Variants in CSMD2 observed in about 807,000 individuals in gnomAD.
CSMD2 encodes CUB and Sushi multiple domains 2, also known as CUB and sushi domain-containing protein 2.
In CSMD2, 130 loss-of-function variants were observed where a neutral mutation model predicts 398.5. That is an observed-to-expected ratio of 0.33 (90% confidence interval 0.28 to 0.38). The LOEUF (loss-of-function observed/expected upper bound fraction) is 0.38. CSMD2 is among the 10% of genes least tolerant of loss of function. The pLI is 1.00. For missense variants in CSMD2, 3,829 were observed against 4,764.9 expected (o/e 0.80, Z 5.78); for synonymous variants, 1,828 against 1,908.5 (o/e 0.96, Z 1.10).
chr1:33,622,707 T>C (rs1165462402), intron 36 of CSMD2, among the ~76,000 whole-genome samples: 1 of 152,200 alleles, frequency 6.6e-6, no homozygotes, highest in African/African-American at 2.4e-5. Flanking sequence ...GGCACACCTA[T>C]ACACCACACT....
chr1:33,788,561 C>T (rs1042618725), intron 12 of CSMD2, 39 bp downstream of exon 12: 1 of 1,150,052 alleles, frequency 8.7e-7, no homozygotes, highest in South Asian at 1.2e-5. Context: ...GTCTCTGACT[C>T]CCAGGACACA....
intron 5 of CSMD2, among the ~76,000 whole-genome samples, chr1:33,848,207 G>A (rs728048): frequency 0.28 from 43,302 of 152,104 alleles, 6,478 homozygotes; most frequent in South Asian, 0.45. Flanking sequence ...GTATCCTGGG[G>A]CTGGCAACTG....
At chr1:34,040,333 G>A (rs1023063154) in intron 2 of CSMD2, among the ~76,000 whole-genome samples, 2 of 152,206 alleles carry the variant, frequency 1.3e-5, no homozygotes, top group African/African-American at 4.8e-5. Flanking sequence ...AGATGTCAAA[G>A]TATCAGAAAA....
At chr1:33,552,304 T>C (rs1201421753) in intron 55 of CSMD2, among the ~76,000 whole-genome samples, 1 of 152,224 alleles carries the variant, frequency 6.6e-6, no homozygotes, top group Admixed American at 6.5e-5. Context: ...ACACTGCTGG[T>C]AGAAACGGAA....
At chr1:33,899,621 T>C (rs1642619455) in intron 5 of CSMD2, among the ~76,000 whole-genome samples, 1 of 152,184 alleles carries the variant, frequency 6.6e-6, no homozygotes, top group African/African-American at 2.4e-5. Flanking sequence ...AGGAGGCAGA[T>C]CCCACTGGAA....
In CSMD2 at chr1:33,580,865, G is replaced by A. The variant is rs1345895038; in HGVS notation, c.7275C>T (p.Leu2425=). 7 of 1,614,124 alleles carry A rather than the reference G, an allele frequency of 4.3e-6. No individual in the cohort carries two copies. The highest frequency in any genetic ancestry group is 5.9e-6 in the Non-Finnish European group (7 of 1,180,018). ...PSGQSPLLKA[L]SGNYSAPLIV... ...TCAGGGGAGCTGAGTAATTCCCACT[G>A]AGGGCTTTCAGCAGAGGACTCTGTC... Residue 2425 remains leucine, a synonymous_variant, in exon 48 of 71, where the codon CTC becomes CTT. Transcript: ENST00000373381.
At chr1:33,936,015 C>T (rs1161266980) in intron 3 of CSMD2, 61 bp from the exon 4 acceptor site, 19 of 1,474,262 alleles carry the variant, frequency 1.3e-5, no homozygotes, top group Middle Eastern at 1.9e-4. Context: ...GCCCTGACAC[C>T]GGGCTTCCTA....
At chr1:34,127,749 T>C (rs982084934) in intron 1 of CSMD2, among the ~76,000 whole-genome samples, 3 of 152,082 alleles carry the variant, frequency 2.0e-5, no homozygotes, top group East Asian at 3.9e-4. Context: ...GCAGGATTCA[T>C]AGTCCAGGTG....
intron 56 of CSMD2, among the ~76,000 whole-genome samples, chr1:33,547,528 C>T (rs1232300145): frequency 6.6e-6 from 1 of 152,226 alleles, no homozygotes; most frequent in Non-Finnish European, 1.5e-5. Context: ...GTGTACCCCA[C>T]CACTTGCCAT....
intron 2 of CSMD2, among the ~76,000 whole-genome samples, chr1:34,051,945 G>T (rs1383509587): frequency 6.6e-6 from 1 of 151,996 alleles, no homozygotes; most frequent in Admixed American, 6.6e-5. Flanking sequence ...TGGGGGTGGG[G>T]GTTATCCAAT....
intron 29 of CSMD2, among the ~76,000 whole-genome samples, chr1:33,640,270 T>C (rs1471834335): frequency 1.4e-4 from 22 of 152,194 alleles, no homozygotes; most frequent in Non-Finnish European, 2.9e-5. Flanking sequence ...TAGGGCCATC[T>C]ACTGAAACAC....
intron 1 of CSMD2, among the ~76,000 whole-genome samples, chr1:34,128,159 G>A (rs1662940662): frequency 6.6e-6 from 1 of 152,018 alleles, no homozygotes; most frequent in South Asian, 2.1e-4. Flanking sequence ...TCTGGACTCT[G>A]AGCTCAATCT....
chr1:33,924,862 T>C (rs190010326), intron 4 of CSMD2, among the ~76,000 whole-genome samples: 1 of 152,338 alleles, frequency 6.6e-6, no homozygotes, highest in East Asian at 1.9e-4. Flanking sequence ...TCTATTCATG[T>C]CCTTAGCTCA....
At chr1:33,749,095 T>C (rs1569701830) in intron 13 of CSMD2, among the ~76,000 whole-genome samples, 1 of 133,588 alleles carries the variant, frequency 7.5e-6, no homozygotes, top group Admixed American at 7.3e-5. Context: ...CAGACTTCTT[T>C]TTTTTTTTTT....
rs764362857 is a variant in CSMD2, at chr1:33,611,142, C to T, written c.6242G>A (p.Ser2081Asn). Reference sequence around the variant, plus strand: ...GGAGAGGAGGGAGCTTGGAAGCTCGCTTCCACTGAATCTTCCCATCATGCG... The same window carrying T: ...GGAGAGGAGGGAGCTTGGAAGCTCGTTTCCACTGAATCTTCCCATCATGCG... Reference protein sequence around the residue: ...TSRMMGRFSGSELPSSLLSTS... With the variant: ...TSRMMGRFSGNELPSSLLSTS... The change falls in exon 41 of 71, where the codon AGC becomes AAC. Residue 2081 changes from serine to asparagine, a missense_variant. Ser to Asn is a conservative substitution (Grantham distance 46, BLOSUM62 1). Around this residue, in one of 5 missense-constraint regions of CSMD2, gnomAD observed 2,001 missense variants for 2,567.1 expected, o/e 0.78. Coordinates refer to ENST00000373381, the MANE Select transcript of CSMD2 (RefSeq NM_001281956.2). 3 of 1,614,090 alleles carry T rather than the reference C, an allele frequency of 1.9e-6. No individual in the cohort carries two copies. Among genetic ancestry groups the T allele is most frequent in the East Asian group, 4.5e-5 (2 of 44,880 alleles).
chr1:33,724,596 G>C lies in CSMD2; in HGVS notation c.2804C>G (p.Ser935Trp), dbSNP rs774576659. The C allele has an allele frequency of 3.1e-6, 5 of 1,614,170 alleles. No individual in the cohort carries two copies. The highest frequency in any genetic ancestry group is 4.2e-6 in the Non-Finnish European group (5 of 1,180,038). The part of the protein sequence containing the change: ...VGALVTFSCD[S>W]GYTLSDGEPL... ...CTCCCCGTCACTTAATGTGTAGCCC[G>C]AGTCACAGCTGAAGGTCACCAGCGC... The change falls in exon 18 of 71, where the codon TCG (serine) becomes TGG (tryptophan). Residue 935 changes from serine (S) to tryptophan (W), a missense_variant. Coordinates refer to ENST00000373381, the MANE Select transcript of CSMD2 (RefSeq NM_001281956.2).
intron 2 of CSMD2, among the ~76,000 whole-genome samples, chr1:34,071,746 C>T (rs963500686): frequency 6.6e-6 from 1 of 152,234 alleles, no homozygotes; most frequent in Non-Finnish European, 1.5e-5. Context: ...TTCTCTGCCA[C>T]ACTGCTTAAC....
intron 13 of CSMD2, among the ~76,000 whole-genome samples, chr1:33,757,513 A>G (rs2149290803): frequency 6.6e-6 from 1 of 152,206 alleles, no homozygotes; most frequent in Admixed American, 6.5e-5. Context: ...TCACCCAGGT[A>G]TAGGTTTGCC....
Position 33,928,269 on chromosome 1 carries a change from C to T in CSMD2, c.712+7491G>A, listed in dbSNP as rs372833639. On this transcript the variant is annotated intron_variant, in intron 4 of 70. Transcript: ENST00000373381. ...AGGTAAAGCACTGCACCTCTCTGGG[C>T]CTCAGTTTCCTCACTTGTAAGAGGA... Among the ~76,000 whole-genome samples, 56 of 152,310 alleles carry T rather than the reference C, an allele frequency of 3.7e-4. No homozygotes were observed. In the South Asian group the frequency reaches 0.011, roughly 30 times the overall value.
Sources: allele counts gnomAD v4.1 joint callset (sites outside exome capture counted in the v4.1 genomes callset), GRCh38; gene constraint gnomAD v4.1.1; regional missense constraint gnomAD v4.1.1; transcripts MANE v1.5; gene names NCBI Gene and HGNC (gene_info 2026-07-23, HGNC 2026-07-21).